PAX7: variants seen among roughly 807,000 people sequenced by gnomAD.
The protein encoded by PAX7 is paired box protein Pax-7.
PAX7 carries 18 observed loss-of-function variants against 50.7 expected under a neutral mutation model. The observed-to-expected ratio is 0.36, with a 90% CI of 0.25 to 0.53. PAX7 has a LOEUF of 0.53. PAX7 is among the 20% of genes least tolerant of loss of function. The probability of loss-of-function intolerance (pLI) is 0.93; values close to 1 mark genes in which losing one functional copy is unlikely to be tolerated. For missense variants in PAX7, 644 were observed against 702.9 expected (o/e 0.92, Z 0.95); for synonymous variants, 310 against 290.4 (o/e 1.07, Z -0.69).
rs544024511 is a variant in PAX7, at chr1:18,664,468, C to T, written c.587-27286C>T. On this transcript the variant is annotated intron_variant, in intron 4 of 8. Transcript: ENST00000420770. ...GCCTGGGGAAGGGGAGGGAGGAGGG[C>T]GAGGCAGCCACACGAAAGTCCAGTT... Among the ~76,000 whole-genome samples, 75 of 152,226 alleles carry T rather than the reference C, an allele frequency of 4.9e-4. No individual in the cohort carries two copies. The South Asian group carries it at 0.013, about 26-fold the overall frequency.
intron 5 of PAX7, among the ~76,000 whole-genome samples, chr1:18,696,841 C>A (rs2089156384): frequency 6.6e-6 from 1 of 152,054 alleles, no homozygotes; most frequent in Non-Finnish European, 1.5e-5. Flanking sequence ...TATTTGATAA[C>A]ACAATAGGGT....
rs764678529 is a variant in PAX7 at position 18,725,315 on chromosome 1, C to G, written c.1156-10317C>G. Among the ~76,000 whole-genome samples, 971 of 143,988 alleles carry G rather than the reference C, an allele frequency of 6.7e-3. 63 individuals are homozygous for G. Among genetic ancestry groups the G allele is most frequent in the Admixed American group, 0.06 (835 of 13,994 alleles). 94.5% of individuals were successfully genotyped at this position (143,988 alleles called of 152,430 possible). A position where few individuals can be genotyped will look rare whatever the true frequency, so the allele number is the denominator to read the frequency against. Reference sequence around the variant, plus strand: ...AGAGGTGGAGACGCCCCCCCCCCGCCCCACCAACACCGCCAGGCCAGGGGG... The same window carrying G: ...AGAGGTGGAGACGCCCCCCCCCCGCGCCACCAACACCGCCAGGCCAGGGGG... On this transcript the variant is annotated intron_variant, in intron 7 of 8. Transcript: ENST00000420770.
chr1:18,698,209 G>A (rs1031030823), intron 5 of PAX7, among the ~76,000 whole-genome samples: 5 of 150,610 alleles, frequency 3.3e-5, no homozygotes, highest in East Asian at 3.9e-4. Flanking sequence ...ACTTTTCAAC[G>A]AAATCAAGTG....
intron 4 of PAX7, among the ~76,000 whole-genome samples, chr1:18,656,219 C>G (rs187784076): frequency 5.3e-5 from 8 of 152,188 alleles, no homozygotes; most frequent in Non-Finnish European, 1.2e-4. Context: ...CAAGTCCGGG[C>G]GCAGTGGCTC....
intron 7 of PAX7, among the ~76,000 whole-genome samples, chr1:18,731,408 C>T (rs746641849): frequency 6.6e-6 from 1 of 152,090 alleles, no homozygotes; most frequent in African/African-American, 2.4e-5. Context: ...GCTAGGGACC[C>T]GGGAGACCTG....
chr1:18,729,823 C>G (rs2089623970), intron 7 of PAX7, among the ~76,000 whole-genome samples: 1 of 152,176 alleles, frequency 6.6e-6, no homozygotes, highest in Non-Finnish European at 1.5e-5. Context: ...CTCCTGCTCC[C>G]TTTCCAGTGT....
intron 5 of PAX7, among the ~76,000 whole-genome samples, chr1:18,693,197 G>A (rs911070564): frequency 4.6e-5 from 7 of 152,150 alleles, no homozygotes; most frequent in Admixed American, 6.5e-5. Flanking sequence ...GAGTCAGAGC[G>A]GCCTGCAGAG....
rs191323164 is a variant in PAX7, at chr1:18,748,304, A to G, written c.*3375A>G. The G allele has an allele frequency of 1.3e-5, 3 of 228,048 alleles. No individual in the cohort carries two copies. Among genetic ancestry groups the G allele is most frequent in the Non-Finnish European group, 2.6e-5 (3 of 114,840 alleles). The allele number at this position is 228,048 out of a possible 1,614,324, so 14.1% of individuals were successfully genotyped here. On this transcript the variant is annotated 3_prime_UTR_variant, in exon 9 of 9. Coordinates refer to ENST00000420770, the MANE Select transcript of PAX7 (RefSeq NM_001135254.2). The stretch of plus-strand genomic sequence containing the variant: ...GGATCCTGGGCCTCAGTGACACTCC[A>G]TCACCCAACTAAAAAGATGTTCTCT...
rs2088031875 is a variant in PAX7 at position 18,631,042 on chromosome 1, G to A, written c.-562G>A. The stretch of plus-strand genomic sequence containing the variant: ...TGGAGGGAGAAGCGAGTGTGGTCCG[G>A]AGAAAGAAGGCGTGGAGAAGAGGGA... On this transcript the variant is annotated 5_prime_UTR_variant, in exon 1 of 9. Coordinates refer to ENST00000420770, the MANE Select transcript of PAX7 (RefSeq NM_001135254.2). The A allele has an allele frequency of 4.4e-6, 1 of 228,322 alleles. No homozygotes were observed. Among genetic ancestry groups the A allele is most frequent in the Non-Finnish European group, 8.7e-6 (1 of 114,944 alleles). The allele number at this position is 228,322 out of a possible 1,614,324, so 14.1% of individuals were successfully genotyped here.
At chr1:18,667,715 T>C (rs897543168) in intron 4 of PAX7, among the ~76,000 whole-genome samples, 15 of 151,978 alleles carry the variant, frequency 9.9e-5, no homozygotes, top group African/African-American at 3.6e-4. Flanking sequence ...GTCAGGGATA[T>C]GGTGTCAATG....
At chr1:18,712,302 C>T (rs2089362572) in intron 7 of PAX7, among the ~76,000 whole-genome samples, 1 of 151,558 alleles carries the variant, frequency 6.6e-6, no homozygotes, top group Admixed American at 6.5e-5. Flanking sequence ...GTGGGAAACG[C>T]TCAGTTATTT....
chr1:18,658,954 A>G (rs1422517609), intron 4 of PAX7, among the ~76,000 whole-genome samples: 1 of 152,072 alleles, frequency 6.6e-6, no homozygotes, highest in Non-Finnish European at 1.5e-5. Flanking sequence ...GTGTGCATGC[A>G]CGTATATGTG....
intron 4 of PAX7, among the ~76,000 whole-genome samples, chr1:18,669,626 G>C (rs9439677): frequency 0.019 from 2,818 of 152,256 alleles, 79 homozygotes; most frequent in African/African-American, 0.058. Context: ...TCAGACATTG[G>C]AGACAAAGTC....
At chr1:18,646,682 A>G (rs1444476002) in intron 4 of PAX7, among the ~76,000 whole-genome samples, 1 of 151,736 alleles carries the variant, frequency 6.6e-6, no homozygotes, top group Non-Finnish European at 1.5e-5. Flanking sequence ...TAAAGTAACC[A>G]AACCCCCGAA....
intron 4 of PAX7, among the ~76,000 whole-genome samples, chr1:18,654,588 A>G (rs1298736637): frequency 1.3e-5 from 2 of 152,222 alleles, no homozygotes; most frequent in Non-Finnish European, 2.9e-5. Context: ...TATCTAGGGT[A>G]GCAGAGGAAA....
chr1:18,637,095 C>G (rs1187391875), intron 4 of PAX7, among the ~76,000 whole-genome samples: 2 of 152,162 alleles, frequency 1.3e-5, no homozygotes, highest in African/African-American at 4.8e-5. Flanking sequence ...AGCACGGCTT[C>G]CGCGGGCAGG....
At chr1:18,709,057 G>C (rs2089318059) in intron 7 of PAX7, among the ~76,000 whole-genome samples, 1 of 152,206 alleles carries the variant, frequency 6.6e-6, no homozygotes, top group South Asian at 2.1e-4. Flanking sequence ...GGCCCAGGTG[G>C]TGTGTGCCAG....
At chr1:18,666,070 A>G (rs922601906) in intron 4 of PAX7, among the ~76,000 whole-genome samples, 5 of 152,184 alleles carry the variant, frequency 3.3e-5, no homozygotes, top group African/African-American at 1.2e-4. Flanking sequence ...GCACCTCAGG[A>G]GGCTGAGGCA....
At chr1:18,721,352 C>T (rs561923003) in intron 7 of PAX7, among the ~76,000 whole-genome samples, 11 of 152,302 alleles carry the variant, frequency 7.2e-5, no homozygotes, top group Non-Finnish European at 1.2e-4. Flanking sequence ...TGGGACCAGC[C>T]CCTCCTCCCC....
Sources: allele counts gnomAD v4.1 joint callset (sites outside exome capture counted in the v4.1 genomes callset), GRCh38; gene constraint gnomAD v4.1.1; transcripts MANE v1.5; gene names NCBI Gene and HGNC (gene_info 2026-07-23, HGNC 2026-07-21).